Variants in LRRIQ3 observed in about 807,000 individuals in gnomAD.
The protein encoded by LRRIQ3 is leucine rich repeats and IQ motif containing 3, also known as leucine-rich repeat and IQ domain-containing protein 3.
LRRIQ3 carries 75 observed loss-of-function variants against 59.3 expected under a neutral mutation model. The observed-to-expected ratio is 1.26, with a 90% CI of 1.05 to 1.53. The LOEUF (loss-of-function observed/expected upper bound fraction) is 1.53, where lower values mean the gene tolerates loss of function less well. LRRIQ3 is among the 40% of genes most tolerant of loss of function. The pLI is 0.00. For synonymous variants in LRRIQ3, 250 were observed against 231.3 expected (o/e 1.08, Z -0.73); for missense variants, 831 against 710.0 (o/e 1.17, Z -1.94).
intron 5 of LRRIQ3, chr1:74,084,134 A>C: frequency 6.5e-7 from 1 of 1,539,572 alleles, no homozygotes; most frequent in Non-Finnish European, 8.8e-7. Flanking sequence ...AATGATGTGC[A>C]TAATTCCTTT....
At chr1:74,111,850 G>A (rs906360352) in intron 4 of LRRIQ3, among the ~76,000 whole-genome samples, 4 of 152,006 alleles carry the variant, frequency 2.6e-5, no homozygotes, top group African/African-American at 7.2e-5. Flanking sequence ...GGTCCCAGTT[G>A]AGGGCTATGG....
At chr1:74,159,483 T>G (rs1648537497) in intron 3 of LRRIQ3, among the ~76,000 whole-genome samples, 1 of 152,154 alleles carries the variant, frequency 6.6e-6, no homozygotes, top group African/African-American at 2.4e-5. Flanking sequence ...TTTATTCTTG[T>G]AACTCAATTA....
At chr1:74,196,001 A>T (rs1240302420) in intron 1 of LRRIQ3, among the ~76,000 whole-genome samples, 2 of 151,936 alleles carry the variant, frequency 1.3e-5, no homozygotes, top group African/African-American at 4.8e-5. Flanking sequence ...AGTATTTTTT[A>T]ATTTTTTTTT....
Position 74,041,801 on chromosome 1 carries a change from A to G in LRRIQ3, c.1130T>C (p.Phe377Ser). Residue 377 changes from phenylalanine to serine, a missense_variant, in exon 7 of 8, where the codon TTT becomes TCT. Phe to Ser is a radical substitution (Grantham distance 155). Transcript: ENST00000354431. ...NAVLREKKQH[F>S]FPAYPQPIYT... ...GATTGGCTGAGGATATGCAGGAAAA[A>G]AATGTTGTTTTTTCTCTCTCAATAC... The G allele has an allele frequency of 3.7e-6, 6 of 1,613,576 alleles. No individual in the cohort carries two copies. The highest frequency in any genetic ancestry group is 4.2e-6 in the Non-Finnish European group (5 of 1,179,746).
intron 4 of LRRIQ3, among the ~76,000 whole-genome samples, chr1:74,115,674 T>C (rs1415853078): frequency 6.6e-6 from 1 of 152,220 alleles, no homozygotes; most frequent in African/African-American, 2.4e-5. Flanking sequence ...GGGTCTTGGA[T>C]CTTTCATGAA....
At chr1:74,179,841 G>T (rs1056295818) in intron 3 of LRRIQ3, 1 of 151,752 alleles carries the variant, frequency 6.6e-6, no homozygotes, top group Non-Finnish European at 1.5e-5. Flanking sequence ...TTGTGTTACC[G>T]TCCATTCATA....
intron 1 of LRRIQ3, among the ~76,000 whole-genome samples, chr1:74,188,650 T>C (rs1183022287): frequency 3.9e-5 from 6 of 152,148 alleles, no homozygotes; most frequent in African/African-American, 7.2e-5. Flanking sequence ...ATATGTACCC[T>C]GTGAACAGAA....
chr1:74,111,667 TAA>T (rs1015040930), intron 4 of LRRIQ3, among the ~76,000 whole-genome samples: 13 of 152,180 alleles, frequency 8.5e-5, no homozygotes, highest in African/African-American at 2.6e-4. Flanking sequence ...TACAGCAAAA[TAA>T]ACATCTATTC....
chr1:74,100,057 G>A (rs1374681907), intron 5 of LRRIQ3, among the ~76,000 whole-genome samples: 1 of 151,934 alleles, frequency 6.6e-6, no homozygotes, highest in Non-Finnish European at 1.5e-5. Context: ...TTCTGGCCAG[G>A]GCAATCAGGC....
In LRRIQ3 at chr1:74,060,188, TTTCTTC is replaced by T. The variant is rs1322871460; in HGVS notation, c.997+14467_997+14472del. Among the ~76,000 whole-genome samples the T allele has an allele frequency of 1.2e-3, 135 of 111,626 alleles. 2 individuals are homozygous for T. The highest frequency in any genetic ancestry group is 1.7e-3 in the African/African-American group (55 of 31,688). 73.2% of individuals were successfully genotyped at this position (111,626 alleles called of 152,430 possible). A position where few individuals can be genotyped will look rare whatever the true frequency, so the allele number is the denominator to read the frequency against. On this transcript the variant is annotated intron_variant, in intron 6 of 7. Coordinates refer to ENST00000354431, the MANE Select transcript of LRRIQ3 (RefSeq NM_001105659.2). The stretch of plus-strand genomic sequence containing the variant: ...TCGTCGTCATCTTCTTCTTCTTCTT[TTTCTTC>T]TTCTTCTTCTTCTTCTTCTTCTTCT...
At chr1:74,047,581 T>C in intron 6 of LRRIQ3, among the ~76,000 whole-genome samples, 1 of 151,708 alleles carries the variant, frequency 6.6e-6, no homozygotes, top group South Asian at 2.1e-4. Flanking sequence ...CCCCAGAAAT[T>C]AAAGAAATTA....
chr1:74,039,319 G>A (rs571769309), intron 7 of LRRIQ3, among the ~76,000 whole-genome samples: 31 of 152,118 alleles, frequency 2.0e-4, no homozygotes, highest in African/African-American at 7.0e-4. Flanking sequence ...GAGAAATATG[G>A]GACTATGTAA....
At chr1:74,118,407 C>T (rs1354448528) in intron 4 of LRRIQ3, among the ~76,000 whole-genome samples, 1 of 152,026 alleles carries the variant, frequency 6.6e-6, no homozygotes, top group Non-Finnish European at 1.5e-5. Context: ...AGAACTAACC[C>T]ATTACTTTTT....
chr1:74,148,375 G>T (rs1647709383), intron 4 of LRRIQ3, among the ~76,000 whole-genome samples: 1 of 152,162 alleles, frequency 6.6e-6, no homozygotes, highest in Non-Finnish European at 1.5e-5. Context: ...GGTAGAGGCT[G>T]TAGCAAGACT....
intron 4 of LRRIQ3, among the ~76,000 whole-genome samples, chr1:74,135,780 A>T (rs1647112085): frequency 6.6e-6 from 1 of 151,972 alleles, no homozygotes; most frequent in Admixed American, 6.6e-5. Flanking sequence ...TATATCAGAA[A>T]ATAAGAAATG....
At chr1:74,107,537 T>C (rs965364438) in intron 5 of LRRIQ3, among the ~76,000 whole-genome samples, 1 of 150,298 alleles carries the variant, frequency 6.7e-6, no homozygotes, top group African/African-American at 2.4e-5. Flanking sequence ...GAATAATAAG[T>C]GAATAAAAAT....
chr1:74,100,481 C>T (rs146901088), intron 5 of LRRIQ3, among the ~76,000 whole-genome samples: 1 of 152,058 alleles, frequency 6.6e-6, no homozygotes, highest in Non-Finnish European at 1.5e-5. Flanking sequence ...GGCCATATTG[C>T]CCAAGGTAAT....
rs144468897 is a variant in LRRIQ3, at chr1:74,182,776, A to C, written c.335T>G (p.Leu112Ter). The C allele has an allele frequency of 1.1e-5, 18 of 1,610,614 alleles. No homozygotes were observed. In the African/African-American group the frequency reaches 2.0e-4, roughly 18 times the overall value. ...GGCAGATAATACACATATATTCTTT[A>C]ACTTTGCAAACCCATTGTCATGAAG... ...LYLHDNGFAK[L>*]KNICVLSACP... is the part of the protein sequence containing the mutation. The change falls in exon 3 of 8, where the codon TTA becomes TGA. Residue 112 changes from leucine to a stop codon, truncating the protein, a stop_gained. Transcript: ENST00000354431. LOFTEE classifies it high-confidence loss of function.
chr1:74,111,662 CA>C (rs1004635195), intron 4 of LRRIQ3, among the ~76,000 whole-genome samples: 27 of 152,052 alleles, frequency 1.8e-4, no homozygotes, highest in South Asian at 4.2e-4. Flanking sequence ...GGGCATACAG[CA>C]AAATAAACAT....
Sources: allele counts gnomAD v4.1 joint callset (sites outside exome capture counted in the v4.1 genomes callset), GRCh38; gene constraint gnomAD v4.1.1; transcripts MANE v1.5; gene names NCBI Gene and HGNC (gene_info 2026-07-23, HGNC 2026-07-21).